RASGRP3: variants seen among roughly 807,000 people sequenced by gnomAD.
The protein encoded by RASGRP3 is RAS guanyl releasing protein 3.
RASGRP3 carries 54 observed loss-of-function variants against 82.7 expected under a neutral mutation model. That is an observed-to-expected ratio of 0.65 (90% CI 0.52 to 0.82). The LOEUF (loss-of-function observed/expected upper bound fraction) is 0.82, where lower values mean the gene tolerates loss of function less well. RASGRP3 is among the 40% of genes least tolerant of loss of function. RASGRP3 has a pLI of 0.00. For missense variants in RASGRP3, 861 were observed against 828.9 expected, an observed-to-expected ratio of 1.04 and a Z score of -0.48; for synonymous variants, 309 against 300.5, an observed-to-expected ratio of 1.03 and a Z score of -0.29.
At chr2:33,555,818 T>A (rs1675887137) in intron 15 of RASGRP3, among the ~76,000 whole-genome samples, 1 of 152,162 alleles carries the variant, frequency 6.6e-6, no homozygotes, top group South Asian at 2.1e-4. Context: ...ATCAGCAGCA[T>A]CCAGTTAAGG....
intron 12 of RASGRP3, 146 bp downstream of exon 12, chr2:33,539,356 C>G (rs1282640093): frequency 6.2e-6 from 4 of 645,594 alleles, no homozygotes; most frequent in Admixed American, 2.7e-5. Context: ...TTAGTCCTAC[C>G]AGGCATTGGG....
At chr2:33,525,725 A>AC (rs1672491931) in intron 9 of RASGRP3, among the ~76,000 whole-genome samples, 1 of 149,662 alleles carries the variant, frequency 6.7e-6, no homozygotes, top group South Asian at 2.1e-4. Context: ...AAAAAAAAAA[A>AC]AACTAGCCAG....
chr2:33,486,736 T>C (rs1668430305), intron 1 of RASGRP3, among the ~76,000 whole-genome samples: 1 of 152,090 alleles, frequency 6.6e-6, no homozygotes, highest in Non-Finnish European at 1.5e-5. Context: ...AAGCTGGGTA[T>C]AAAAGGATAA....
intron 10 of RASGRP3, among the ~76,000 whole-genome samples, chr2:33,529,646 G>C (rs1279664227): frequency 2.0e-5 from 3 of 152,138 alleles, no homozygotes; most frequent in Non-Finnish European, 4.4e-5. Flanking sequence ...AGTAACTGCA[G>C]TGTTGGGTAG....
intron 2 of RASGRP3, chr2:33,458,181 T>C (rs1666149688): frequency 6.6e-6 from 1 of 152,234 alleles, no homozygotes; most frequent in Admixed American, 6.5e-5. Context: ...AATAAATGTG[T>C]TCTTGAATCG....
intron 2 of RASGRP3, among the ~76,000 whole-genome samples, chr2:33,464,407 A>G (rs1411890604): frequency 6.6e-6 from 1 of 150,416 alleles, no homozygotes; most frequent in East Asian, 2.0e-4. Flanking sequence ...GGTGTGAACC[A>G]CCGTGCCTGG....
chr2:33,514,763 A>G (rs941490935), intron 2 of RASGRP3, among the ~76,000 whole-genome samples: 1 of 152,158 alleles, frequency 6.6e-6, no homozygotes, highest in Non-Finnish European at 1.5e-5. Flanking sequence ...AAAAAATTTC[A>G]GCAGTGAAGT....
intron 1 of RASGRP3, among the ~76,000 whole-genome samples, chr2:33,445,620 ATATAT>A (rs1665458519): frequency 1.3e-5 from 2 of 152,126 alleles, no homozygotes; most frequent in East Asian, 3.9e-4. Flanking sequence ...TGTATTTATA[ATATAT>A]TATTTATTCT....
intron 6 of RASGRP3, 67 bp downstream of exon 6, chr2:33,520,751 C>G: frequency 6.3e-7 from 1 of 1,585,012 alleles, no homozygotes; most frequent in Non-Finnish European, 8.6e-7. Context: ...GTAGTGATCA[C>G]CCCACTTGTT....
At chr2:33,539,071 G>T in intron 11 of RASGRP3, 23 bp from the exon 12 acceptor site, 1 of 1,448,622 alleles carries the variant, frequency 6.9e-7, no homozygotes, top group Non-Finnish European at 9.4e-7. Context: ...TGAAAAATAT[G>T]TGGTTTTTTT....
At chr2:33,542,053 C>G (rs1418057936) in intron 12 of RASGRP3, among the ~76,000 whole-genome samples, 1 of 146,600 alleles carries the variant, frequency 6.8e-6, no homozygotes, top group East Asian at 1.9e-4. Flanking sequence ...CTGCAGTGAG[C>G]TATGATCATG....
At chr2:33,496,298 A>T (rs1444940463) in intron 1 of RASGRP3, among the ~76,000 whole-genome samples, 1 of 152,128 alleles carries the variant, frequency 6.6e-6, no homozygotes, top group African/African-American at 2.4e-5. Context: ...GTGGACAGGA[A>T]CTCTGCTCTT....
At chr2:33,558,539 G>A (rs944720047) in intron 16 of RASGRP3, 133 bp from the exon 17 acceptor site, 23 of 1,112,106 alleles carry the variant, frequency 2.1e-5, no homozygotes, top group Non-Finnish European at 2.4e-5. Context: ...ACTTGCCTGC[G>A]GCTAATTGAG....
At chr2:33,495,308 C>T (rs1425844073) in intron 1 of RASGRP3, among the ~76,000 whole-genome samples, 1 of 152,174 alleles carries the variant, frequency 6.6e-6, no homozygotes. Flanking sequence ...ACTGTTCCAC[C>T]TCAGATCATC....
At chr2:33,540,552 T>C (rs1387410217) in intron 12 of RASGRP3, among the ~76,000 whole-genome samples, 3 of 30,326 alleles carry the variant, frequency 9.9e-5, no homozygotes, top group Non-Finnish European at 1.8e-4. Context: ...TCTGTGTGTG[T>C]GTTTTGTGTG....
intron 9 of RASGRP3, among the ~76,000 whole-genome samples, chr2:33,525,699 C>CA (rs1167570668): frequency 0.014 from 744 of 54,398 alleles, 155 homozygotes; most frequent in African/African-American, 0.043. Flanking sequence ...CCTGTCTCTA[C>CA]AAAAAAAAAA....
chr2:33,457,599 G>A (rs1666109985), intron 2 of RASGRP3, among the ~76,000 whole-genome samples: 1 of 151,056 alleles, frequency 6.6e-6, no homozygotes, highest in South Asian at 2.1e-4. Context: ...CAAATGTCAC[G>A]TCATTTTTAT....
chr2:33,447,581 G>A (rs886760986), intron 1 of RASGRP3, among the ~76,000 whole-genome samples: 8 of 151,884 alleles, frequency 5.3e-5, no homozygotes, highest in Non-Finnish European at 8.8e-5. Context: ...GATTACAGGC[G>A]TGCACCACCA....
At chr2:33,518,833 T>C (rs186674472) in intron 4 of RASGRP3, among the ~76,000 whole-genome samples, 1 of 152,298 alleles carries the variant, frequency 6.6e-6, no homozygotes, top group African/African-American at 2.4e-5. Flanking sequence ...CTCTATCTCT[T>C]GTTCCCCTGG....
Sources: gnomAD v4.1 joint callset for allele counts (sites outside exome capture counted in the v4.1 genomes callset) on GRCh38, gnomAD v4.1.1 for gene constraint, MANE v1.5 for transcripts, NCBI Gene and HGNC (gene_info 2026-07-23, HGNC 2026-07-21) for gene names.